STRA6: variants seen among roughly 807,000 people sequenced by gnomAD.
STRA6 encodes the protein signaling receptor and transporter of retinol STRA6, also known as receptor for retinol uptake STRA6.
Under a neutral mutation model 83.6 loss-of-function variants are expected in STRA6, and 48 were observed. The observed-to-expected ratio is 0.57, with a 90% CI of 0.46 to 0.73. The LOEUF is 0.73. STRA6 is among the 30% of genes least tolerant of loss of function. STRA6 has a pLI of 0.00. For missense variants in STRA6, 760 were observed against 838.8 expected (o/e 0.91, Z 1.16); for synonymous variants, 353 against 362.3 (o/e 0.97, Z 0.29).
At chr15:74,183,519 C>A in intron 14 of STRA6, 1 of 1,188,744 alleles carries the variant, frequency 8.4e-7, no homozygotes, top group Non-Finnish European at 1.1e-6. Flanking sequence ...GCTGGGATTA[C>A]AGGTGTGAGC....
rs779049647 is a variant in STRA6 at position 74,180,190 on chromosome 15, C to T, written c.1894G>A (p.Ala632Thr). 6.2e-7 allele frequency: 1 copy of T among 1,614,006 alleles called. No individual in the cohort carries two copies. The highest frequency in any genetic ancestry group is 1.3e-5 in the African/African-American group (1 of 75,052). ...CCCCAGCGAGCCCTGCCGCGGCTGG[C>T]CCCGGGCCTAGCTCCCTTGGCCATG... Reference protein sequence around the residue: ...DSMAKGARPGASRGRARWGLA... With the variant: ...DSMAKGARPGTSRGRARWGLA... Residue 632 changes from alanine (A) to threonine (T), a missense_variant, in exon 19 of 19, where the codon GCC becomes ACC. Ala to Thr is a moderately conservative substitution (Grantham distance 58). Coordinates refer to ENST00000395105, the MANE Select transcript of STRA6 (RefSeq NM_022369.4).
intron 2 of STRA6, among the ~76,000 whole-genome samples, chr15:74,198,746 C>T (rs1328949081): frequency 6.6e-6 from 1 of 152,238 alleles, no homozygotes; most frequent in Admixed American, 6.5e-5. Flanking sequence ...AAACCCAGCA[C>T]CTGCTGAGCT....
At chr15:74,187,243 T>C (rs943529355) in intron 12 of STRA6, among the ~76,000 whole-genome samples, 1 of 152,170 alleles carries the variant, frequency 6.6e-6, no homozygotes, top group Non-Finnish European at 1.5e-5. Context: ...TCTCTCTCCC[T>C]CCACTGGTTC....
In STRA6 at chr15:74,193,993, C is replaced by T; in HGVS notation, c.598-71G>A. 2.5e-6 allele frequency: 4 copies of T among 1,593,436 alleles called. No homozygotes were observed. The South Asian group carries it at 3.3e-5, about 13-fold the overall frequency. Reference sequence around the variant, plus strand: ...CCAGCCAAGAACCAGAATCCGTTGCCCTTCCCACCTCACACTGGGCCCTGA... The same window carrying T: ...CCAGCCAAGAACCAGAATCCGTTGCTCTTCCCACCTCACACTGGGCCCTGA... On this transcript the variant is annotated intron_variant, in intron 7 of 18. Transcript: ENST00000395105.
intron 13 of STRA6, among the ~76,000 whole-genome samples, chr15:74,184,715 G>C (rs2073157367): frequency 6.6e-6 from 1 of 152,148 alleles, no homozygotes; most frequent in East Asian, 1.9e-4. Context: ...CTACTCAGGG[G>C]GCAAGCTCCA....
At chr15:74,202,932 T>C (rs570202044), upstream of STRA6, 19 of 988,204 alleles carry the variant, frequency 1.9e-5, no homozygotes, top group East Asian at 1.3e-3. Flanking sequence ...CCAGCACCAT[T>C]GGCGGCCTGA....
intron 4 of STRA6, chr15:74,196,395 C>T (rs551850201): frequency 5.9e-4 from 329 of 554,928 alleles, no homozygotes; most frequent in Non-Finnish European, 9.2e-4. Context: ...ACTGCTCCTC[C>T]GCCCACCCTG....
At chr15:74,209,628 C>A, upstream of STRA6, 1 of 598,272 alleles carries the variant, frequency 1.7e-6, no homozygotes, top group Non-Finnish European at 2.9e-6. Flanking sequence ...TTCTGGAGTC[C>A]TGCTCTTCAC....
chr15:74,189,724 C>T (rs1207341271), intron 11 of STRA6, among the ~76,000 whole-genome samples: 1 of 147,430 alleles, frequency 6.8e-6, no homozygotes, highest in African/African-American at 2.5e-5. Flanking sequence ...AGTGCAGTGG[C>T]GCGATCTCGG....
In STRA6 at chr15:74,191,261, C is replaced by A; in HGVS notation, c.789-18G>T. On this transcript the variant is annotated intron_variant, in intron 9 of 18. Transcript: ENST00000395105. The stretch of plus-strand genomic sequence containing the variant: ...TGTGGTAGCTGCAGAAAGACCCAGG[C>A]AGGTGCGGGGTCCTCAGGGGAAGCC... 1 of 1,613,082 alleles carries A rather than the reference C, an allele frequency of 6.2e-7. No homozygotes were observed. The highest frequency in any genetic ancestry group is 8.5e-7 in the Non-Finnish European group (1 of 1,179,886).
upstream of STRA6, among the ~76,000 whole-genome samples, chr15:74,207,287 A>G (rs2074281164): frequency 6.6e-6 from 1 of 152,132 alleles, no homozygotes; most frequent in Admixed American, 6.5e-5. Flanking sequence ...CATCCCCTCA[A>G]GGACTCCCAG....
intron 7 of STRA6, chr15:74,194,957 T>A: frequency 7.0e-7 from 1 of 1,430,040 alleles, no homozygotes; most frequent in Non-Finnish European, 9.1e-7. Flanking sequence ...TTCACTCCCA[T>A]TCCCTCTCCA....
intron 16 of STRA6, 96 bp from the exon 17 acceptor site, chr15:74,181,554 A>G: frequency 6.7e-7 from 1 of 1,493,378 alleles, no homozygotes; most frequent in South Asian, 1.2e-5. Context: ...CTGTGTATTT[A>G]CTGAGTGCCT....
chr15:74,203,002 C>CCTG, upstream of STRA6: 1 of 986,046 alleles, frequency 1.0e-6, no homozygotes, highest in Non-Finnish European at 1.2e-6. Context: ...CACACACATA[C>CCTG]CTGCCTTCAG....
At chr15:74,185,076 A>T in intron 12 of STRA6, 21 bp from the exon 13 acceptor site, 1 of 1,612,764 alleles carries the variant, frequency 6.2e-7, no homozygotes, top group Non-Finnish European at 8.5e-7. Context: ...GAGAATGAGC[A>T]AAGTGAGAGG....
chr15:74,196,030 A>T lies in STRA6; in HGVS notation c.384T>A (p.Thr128=). ...TACCTTGGCTGGGTGCTGAGGCGAG[A>T]GTCAGGAAGGGCAATGCGTCCTCGT... ...LPDEDALPFL[T]LASAPSQDGK... The change falls in exon 5 of 19, where the codon ACT becomes ACA. Residue 128 remains threonine (T), a synonymous_variant. Coordinates refer to ENST00000395105, the MANE Select transcript of STRA6 (RefSeq NM_022369.4). 2 of 1,613,858 alleles carry T rather than the reference A, an allele frequency of 1.2e-6. No individual in the cohort carries two copies. Among genetic ancestry groups the T allele is most frequent in the South Asian group, 2.2e-5 (2 of 91,050 alleles).
Position 74,180,762 on chromosome 15 carries a change from T to A in STRA6, c.1840+20A>T. 1 of 1,598,698 alleles carries A rather than the reference T, an allele frequency of 6.3e-7. No homozygotes were observed. Among genetic ancestry groups the A allele is most frequent in the Non-Finnish European group, 8.6e-7 (1 of 1,168,492 alleles). ...AAGCTGGGTAGGCTCTATTCCCCCA[T>A]TCCCAGTGGGAGGGCGCACCTTCGT... On this transcript the variant is annotated intron_variant, in intron 18 of 18. Coordinates refer to ENST00000395105, the MANE Select transcript of STRA6 (RefSeq NM_022369.4).
chr15:74,183,817 C>T, intron 14 of STRA6, 39 bp downstream of exon 14: 1 of 1,613,504 alleles, frequency 6.2e-7, no homozygotes, highest in Non-Finnish European at 8.5e-7. Context: ...GAGGGGAGGC[C>T]CAGGCCAAGG....
intron 15 of STRA6, 22 bp from the exon 16 acceptor site, chr15:74,182,284 G>T: frequency 2.5e-6 from 4 of 1,614,062 alleles, no homozygotes; most frequent in Non-Finnish European, 3.4e-6. Context: ...GTGGGGAGGT[G>T]GTCGCTGTTA....
Sources: gnomAD v4.1 joint callset for allele counts (sites outside exome capture counted in the v4.1 genomes callset) on GRCh38, gnomAD v4.1.1 for gene constraint, MANE v1.5 for transcripts, NCBI Gene and HGNC (gene_info 2026-07-23, HGNC 2026-07-21) for gene names.